ADAMTSL3: variants seen among roughly 807,000 people sequenced by gnomAD.
ADAMTSL3 encodes ADAMTS-like protein 3.
In ADAMTSL3, 128 loss-of-function variants were observed where a neutral mutation model predicts 201.7. That is an observed-to-expected ratio of 0.63 (90% confidence interval 0.55 to 0.73). ADAMTSL3 has a LOEUF of 0.73. Ranked by LOEUF, ADAMTSL3 falls within the 30% of genes least tolerant of loss-of-function variation. The pLI is 0.00. For synonymous variants in ADAMTSL3, 738 were observed against 748.4 expected, an observed-to-expected ratio of 0.99 and a Z score of 0.23; for missense variants, 1,990 against 2,119.6, an observed-to-expected ratio of 0.94 and a Z score of 1.20.
At chr15:83,811,571 C>T (rs991074239) in intron 5 of ADAMTSL3, among the ~76,000 whole-genome samples, 3 of 152,166 alleles carry the variant, frequency 2.0e-5, no homozygotes, top group African/African-American at 4.8e-5. Flanking sequence ...TTGGTATACT[C>T]GAGTGAAGAT....
intron 2 of ADAMTSL3, among the ~76,000 whole-genome samples, chr15:83,699,954 G>A (rs1352457119): frequency 6.6e-6 from 1 of 152,132 alleles, no homozygotes; most frequent in Non-Finnish European, 1.5e-5. Context: ...TAGAATGTTA[G>A]TTTTCTTATT....
chr15:83,919,798 G>A (rs2066103937), intron 16 of ADAMTSL3, among the ~76,000 whole-genome samples: 1 of 152,104 alleles, frequency 6.6e-6, no homozygotes, highest in Non-Finnish European at 1.5e-5. Flanking sequence ...AGATTGAAGG[G>A]GGTGAAACTC....
At chr15:83,959,471 A>G (rs930567190) in intron 19 of ADAMTSL3, among the ~76,000 whole-genome samples, 6 of 152,224 alleles carry the variant, frequency 3.9e-5, no homozygotes, top group Non-Finnish European at 7.3e-5. Context: ...CAAAAGAATC[A>G]AGTCATTTAT....
rs762724062 is a variant in ADAMTSL3, at chr15:84,016,478, A to G, written c.4252A>G (p.Thr1418Ala). 7 of 1,613,808 alleles carry G rather than the reference A, an allele frequency of 4.3e-6. No individual in the cohort carries two copies. The highest frequency in any genetic ancestry group is 1.7e-4 in the Middle Eastern group (1 of 6,060). ...CACTAGAACCAACAGCAATGACCCA[A>G]CAGGAGAACCCCCGCCTCAAGGTCT... ...TNTRTNSNDP[T>A]GEPPPQEPFW... Residue 1418 changes from threonine (T) to alanine (A), a missense_variant, in exon 25 of 30, where the codon ACA (threonine) becomes GCA (alanine). Coordinates refer to ENST00000286744, the MANE Select transcript of ADAMTSL3 (RefSeq NM_207517.3).
chr15:83,737,620 C>T (rs925837362), intron 3 of ADAMTSL3, among the ~76,000 whole-genome samples: 5 of 152,112 alleles, frequency 3.3e-5, no homozygotes, highest in African/African-American at 1.2e-4. Flanking sequence ...TGCCCAGTCT[C>T]GGGCAGTTCT....
intron 2 of ADAMTSL3, among the ~76,000 whole-genome samples, chr15:83,687,782 A>G (rs1410691648): frequency 6.6e-6 from 1 of 152,216 alleles, no homozygotes; most frequent in East Asian, 1.9e-4. Flanking sequence ...CCATATATCC[A>G]GAACAGATGG....
At chr15:83,935,460 C>T (rs1208531872) in intron 17 of ADAMTSL3, among the ~76,000 whole-genome samples, 3 of 151,568 alleles carry the variant, frequency 2.0e-5, no homozygotes, top group Non-Finnish European at 4.4e-5. Flanking sequence ...AAGAAAGAGA[C>T]TTATCAAAGA....
chr15:83,848,671 A>G (rs902187407), intron 7 of ADAMTSL3, among the ~76,000 whole-genome samples: 3 of 152,226 alleles, frequency 2.0e-5, no homozygotes, highest in Non-Finnish European at 2.9e-5. Context: ...CCCTGGTTCT[A>G]ATGCTTAGGA....
chr15:84,016,450 CA>C lies in ADAMTSL3; in HGVS notation c.4226del (p.Asn1409ThrfsTer45), dbSNP rs2068088741. ...ATAAAAAGTACATTCTCCAGGCAAC[CA>C]ACACTAGAACCAACAGCAATGACCC... ...GHKKYILQATNTRTNSNDPTG... is the reference protein window; with the variant it reads ...GHKKYILQATXTRTNSNDPTG... On this transcript the variant is annotated frameshift_variant, in exon 25 of 30. Transcript: ENST00000286744. LOFTEE classifies it high-confidence loss of function. 1 of 1,614,006 alleles carries C rather than the reference CA, an allele frequency of 6.2e-7. No homozygotes were observed. Among genetic ancestry groups the C allele is most frequent in the South Asian group, 1.1e-5 (1 of 91,074 alleles).
rs974710886 is a variant in ADAMTSL3 at position 83,890,660 on chromosome 15, A to T, written c.1211+413A>T. 3.8e-5 allele frequency: 6 copies of T among 158,968 alleles called. No homozygotes were observed. The East Asian group carries it at 1.1e-3, about 29-fold the overall frequency. The allele number at this position is 158,968 out of a possible 1,614,324, so 9.8% of individuals were successfully genotyped here. Reference sequence around the variant, plus strand: ...TAAATAATGCATTGTGCAAGGAAGTAAAAGTTTTAATGCCAAAGTATAAAA... The same window carrying T: ...TAAATAATGCATTGTGCAAGGAAGTTAAAGTTTTAATGCCAAAGTATAAAA... On this transcript the variant is annotated intron_variant, in intron 11 of 29. Transcript: ENST00000286744.
chr15:83,695,848 C>G (rs1261532123), intron 2 of ADAMTSL3, among the ~76,000 whole-genome samples: 1 of 152,054 alleles, frequency 6.6e-6, no homozygotes, highest in Non-Finnish European at 1.5e-5. Context: ...ACTTGAAAAA[C>G]CAAAATGATC....
chr15:83,700,480 C>T (rs1476177961), intron 2 of ADAMTSL3, among the ~76,000 whole-genome samples: 14 of 152,140 alleles, frequency 9.2e-5, no homozygotes, highest in Admixed American at 9.2e-4. Flanking sequence ...AATGATGATT[C>T]TGGCTGGGCG....
At chr15:83,847,054 G>T (rs745548295) in intron 7 of ADAMTSL3, among the ~76,000 whole-genome samples, 2 of 152,178 alleles carry the variant, frequency 1.3e-5, no homozygotes, top group Non-Finnish European at 2.9e-5. Flanking sequence ...ACGTCAGGTT[G>T]GGAGCAGATG....
At chr15:83,961,792 G>C (rs1409310426) in intron 19 of ADAMTSL3, 1 of 152,110 alleles carries the variant, frequency 6.6e-6, no homozygotes, top group African/African-American at 2.4e-5. Flanking sequence ...CATAGATCCT[G>C]GTAAAAAAGG....
intron 6 of ADAMTSL3, among the ~76,000 whole-genome samples, chr15:83,823,719 T>C (rs995259953): frequency 6.6e-6 from 1 of 152,188 alleles, no homozygotes; most frequent in Admixed American, 6.5e-5. Context: ...GCCAAAGTGA[T>C]TATGTTAAAA....
chr15:83,948,754 C>T (rs2066704576), intron 19 of ADAMTSL3, among the ~76,000 whole-genome samples: 1 of 151,134 alleles, frequency 6.6e-6, no homozygotes, highest in South Asian at 2.1e-4. Flanking sequence ...ACCAGTTCAG[C>T]TCTTAAGGTT....
At chr15:83,812,449 C>T (rs2063713520) in intron 5 of ADAMTSL3, among the ~76,000 whole-genome samples, 1 of 152,210 alleles carries the variant, frequency 6.6e-6, no homozygotes, top group Non-Finnish European at 1.5e-5. Context: ...TTGAGGGATA[C>T]TTGCCCCCTG....
intron 2 of ADAMTSL3, among the ~76,000 whole-genome samples, chr15:83,668,927 T>C (rs2141381114): frequency 6.6e-6 from 1 of 152,270 alleles, no homozygotes; most frequent in East Asian, 1.9e-4. Context: ...CAAATGCACA[T>C]GAGTCTTTTA....
chr15:83,829,010 G>C (rs958098962), intron 6 of ADAMTSL3, among the ~76,000 whole-genome samples: 3 of 152,194 alleles, frequency 2.0e-5, no homozygotes, highest in Non-Finnish European at 4.4e-5. Context: ...GTCTCTTCCA[G>C]GCTTTGGTAT....
Sources: allele counts gnomAD v4.1 joint callset (sites outside exome capture counted in the v4.1 genomes callset), GRCh38; gene constraint gnomAD v4.1.1; transcripts MANE v1.5; gene names NCBI Gene and HGNC (gene_info 2026-07-23, HGNC 2026-07-21).